The following ZBTB20 variants were observed in gnomAD, a reference collection of about 807,000 sequenced individuals.
ZBTB20 encodes the protein zinc finger and BTB domain containing 20.
ZBTB20 carries 9 observed loss-of-function variants against 56.9 expected under a neutral mutation model. That is an observed-to-expected ratio of 0.16 (90% CI 0.10 to 0.28). The LOEUF (loss-of-function observed/expected upper bound fraction) is 0.28, where lower values mean the gene tolerates loss of function less well. Among genes scored for constraint, ZBTB20 ranks in the 10% least tolerant of loss-of-function variants. The probability of loss-of-function intolerance (pLI) is 1.00; values close to 1 mark genes in which losing one functional copy is unlikely to be tolerated. For synonymous variants in ZBTB20, 417 were observed against 420.7 expected (o/e 0.99, Z 0.11); for missense variants, 655 against 1,003.0 (o/e 0.65, Z 4.69).
intron 2 of ZBTB20, among the ~76,000 whole-genome samples, chr3:115,037,565 G>A (rs554375470): frequency 1.3e-5 from 2 of 152,254 alleles, no homozygotes; most frequent in African/African-American, 2.4e-5. Context: ...GATTACAGGC[G>A]TGGCCACCAT....
At chr3:114,940,183 G>C (rs904184060) in intron 3 of ZBTB20, among the ~76,000 whole-genome samples, 1 of 145,968 alleles carries the variant, frequency 6.9e-6, no homozygotes, top group African/African-American at 2.8e-5. Flanking sequence ...ATGAGAAAGG[G>C]TATGTTTTGG....
At chr3:114,881,147 C>T (rs901113933) in intron 4 of ZBTB20, among the ~76,000 whole-genome samples, 1 of 152,042 alleles carries the variant, frequency 6.6e-6, no homozygotes, top group African/African-American at 2.4e-5. Flanking sequence ...AGATGTTAAA[C>T]TGGTCAATGT....
rs566832317 is a variant in ZBTB20 at position 115,062,086 on chromosome 3, ATACACT to A, written c.-507+9127_-507+9132del. On this transcript the variant is annotated intron_variant, in intron 2 of 11. Transcript: ENST00000675478. The stretch of plus-strand genomic sequence containing the variant: ...GTCATTAAACGTTCAGTTCACACAC[ATACACT>A]CAAAACTGATCCAACAACTCCTATT... Among the ~76,000 whole-genome samples, 98 of 152,308 alleles carry A rather than the reference ATACACT, an allele frequency of 6.4e-4. 1 individual carries two copies. The highest frequency in any genetic ancestry group is 3.4e-3 in the Middle Eastern group (1 of 294).
At chr3:115,066,770 G>T (rs1159469781) in intron 2 of ZBTB20, among the ~76,000 whole-genome samples, 2 of 151,898 alleles carry the variant, frequency 1.3e-5, no homozygotes, top group Admixed American at 1.3e-4. Flanking sequence ...AAAATCAAAA[G>T]TCTCCTCTCG....
At chr3:114,823,308 G>T (rs1000931579) in intron 4 of ZBTB20, among the ~76,000 whole-genome samples, 1 of 152,052 alleles carries the variant, frequency 6.6e-6, no homozygotes, top group Admixed American at 6.6e-5. Flanking sequence ...CAATGAGAGG[G>T]ATATTTTGGC....
intron 6 of ZBTB20, chr3:114,684,439 G>T (rs184808804): frequency 6.6e-6 from 1 of 152,244 alleles, no homozygotes; most frequent in Admixed American, 6.5e-5. Flanking sequence ...AGGAGAAATT[G>T]GGACAGGTTA....
At chr3:114,635,566 C>A (rs188356119) in intron 6 of ZBTB20, among the ~76,000 whole-genome samples, 1 of 151,778 alleles carries the variant, frequency 6.6e-6, no homozygotes, top group Non-Finnish European at 1.5e-5. Flanking sequence ...GAAAAAGATA[C>A]AAGAACAAAA....
rs571641671 is a variant in ZBTB20, at chr3:114,692,312, G to A, written c.-295+1216C>T. Among the ~76,000 whole-genome samples the A allele has an allele frequency of 7.2e-5, 11 of 152,116 alleles. No individual in the cohort carries two copies. In the South Asian group the frequency reaches 1.0e-3, roughly 14 times the overall value. On this transcript the variant is annotated intron_variant, in intron 6 of 11. Coordinates refer to ENST00000675478, the MANE Select transcript of ZBTB20 (RefSeq NM_001348800.3). ...GGGAGGGAGGCGGAGCTACAATCCC[G>A]AAGGCTCCTGGCCTTCACTGGTGAG...
intron 6 of ZBTB20, among the ~76,000 whole-genome samples, chr3:114,652,628 T>C (rs933354967): frequency 6.6e-6 from 1 of 152,018 alleles, no homozygotes; most frequent in East Asian, 1.9e-4. Context: ...AATTAGGTAA[T>C]GTGAGTCTTT....
At chr3:114,507,058 C>T (rs1373084702) in intron 6 of ZBTB20, among the ~76,000 whole-genome samples, 2 of 152,136 alleles carry the variant, frequency 1.3e-5, no homozygotes, top group African/African-American at 4.8e-5. Flanking sequence ...AAATAAATAG[C>T]ACCAGAGAGA....
chr3:114,847,287 G>GA (rs11306268), intron 4 of ZBTB20, among the ~76,000 whole-genome samples: 28,662 of 145,566 alleles, frequency 0.2, 2,913 homozygotes, highest in Admixed American at 0.28. Flanking sequence ...TGGTTCATGA[G>GA]AAAAAAAAAA....
intron 1 of ZBTB20, among the ~76,000 whole-genome samples, chr3:115,131,682 T>C (rs1391120481): frequency 6.6e-6 from 1 of 152,216 alleles, no homozygotes; most frequent in Non-Finnish European, 1.5e-5. Flanking sequence ...CAAATTATAA[T>C]TTTAATAGGT....
chr3:114,491,567 G>T (rs755436122), intron 7 of ZBTB20, among the ~76,000 whole-genome samples: 1 of 152,136 alleles, frequency 6.6e-6, no homozygotes, highest in Non-Finnish European at 1.5e-5. Flanking sequence ...AATAGAAGAT[G>T]TGTCCCTCCT....
chr3:114,904,228 C>A (rs2107680715), intron 3 of ZBTB20: 1 of 152,116 alleles, frequency 6.6e-6, no homozygotes, highest in East Asian at 1.9e-4. Flanking sequence ...AGAAATAGTT[C>A]ATCTTCCCTT....
At chr3:114,636,214 A>C (rs904300524) in intron 6 of ZBTB20, among the ~76,000 whole-genome samples, 2 of 152,174 alleles carry the variant, frequency 1.3e-5, no homozygotes, top group Non-Finnish European at 2.9e-5. Context: ...AATAAAGAAG[A>C]GGTAAAGACT....
chr3:114,508,897 G>C (rs903031278), intron 6 of ZBTB20, among the ~76,000 whole-genome samples: 1 of 152,076 alleles, frequency 6.6e-6, no homozygotes, highest in African/African-American at 2.4e-5. Context: ...GAGGATAGAG[G>C]TCTAAGACCT....
At chr3:115,008,648 G>A (rs1457869189) in intron 2 of ZBTB20, among the ~76,000 whole-genome samples, 1 of 151,906 alleles carries the variant, frequency 6.6e-6, no homozygotes, top group Non-Finnish European at 1.5e-5. Flanking sequence ...ATGAAAAAGT[G>A]TGGACTAAAA....
intron 10 of ZBTB20, among the ~76,000 whole-genome samples, chr3:114,377,940 C>T (rs1172440064): frequency 6.6e-6 from 1 of 152,158 alleles, no homozygotes; most frequent in Admixed American, 6.5e-5. Context: ...TGGAACAACA[C>T]ACACTGGTGG....
At chr3:114,454,917 G>A (rs1302647254) in intron 7 of ZBTB20, 5 of 148,840 alleles carry the variant, frequency 3.4e-5, no homozygotes, top group African/African-American at 1.3e-4. Context: ...TCAGCAAGCA[G>A]ACCACGTTTA....
Sources: gnomAD v4.1 joint callset for allele counts (sites outside exome capture counted in the v4.1 genomes callset) on GRCh38, gnomAD v4.1.1 for gene constraint, MANE v1.5 for transcripts, NCBI Gene and HGNC (gene_info 2026-07-23, HGNC 2026-07-21) for gene names.